The following LATS1 variants were observed in gnomAD, a reference collection of about 807,000 sequenced individuals.
LATS1 encodes the protein serine/threonine-protein kinase LATS1.
Under a neutral mutation model 106.6 loss-of-function variants are expected in LATS1, and 25 were observed. The observed-to-expected ratio is 0.23, with a 90% CI of 0.17 to 0.33. The LOEUF (loss-of-function observed/expected upper bound fraction) is 0.33. LATS1 is among the 10% of genes least tolerant of loss of function. The probability of loss-of-function intolerance (pLI) is 1.00; values close to 1 mark genes in which losing one functional copy is unlikely to be tolerated. For synonymous variants in LATS1, 465 were observed against 455.6 expected (o/e 1.02, Z -0.26); for missense variants, 1,040 against 1,382.6 (o/e 0.75, Z 3.93).
intron 3 of LATS1, among the ~76,000 whole-genome samples, chr6:149,690,296 C>T (rs1782668041): frequency 6.8e-6 from 1 of 147,622 alleles, no homozygotes; most frequent in Non-Finnish European, 1.5e-5. Flanking sequence ...TCACCGCAAT[C>T]TCTGCCTCCC....
chr6:149,689,477 T>C (rs1029052441), intron 3 of LATS1, among the ~76,000 whole-genome samples: 2 of 152,194 alleles, frequency 1.3e-5, no homozygotes, highest in Admixed American at 6.5e-5. Flanking sequence ...TGTACTTGTT[T>C]AGTGAAACTC....
intron 5 of LATS1, among the ~76,000 whole-genome samples, chr6:149,678,971 G>T (rs1342935069): frequency 6.6e-6 from 1 of 152,090 alleles, no homozygotes; most frequent in Admixed American, 6.5e-5. Flanking sequence ...AATGTTACAA[G>T]CAATAACATG....
chr6:149,712,857 T>C (rs1359189568), intron 1 of LATS1, among the ~76,000 whole-genome samples: 1 of 152,030 alleles, frequency 6.6e-6, no homozygotes. Flanking sequence ...CAGCCAATTA[T>C]GTTGGTGTGC....
Position 149,660,069 on chromosome 6 carries a change from T to C in LATS1, c.*1660A>G, listed in dbSNP as rs1037094254. On this transcript the variant is annotated 3_prime_UTR_variant, in exon 8 of 8. Transcript: ENST00000543571. Reference sequence around the variant, plus strand: ...TTAGTTTAATGTATCAATTTTCTCATGGCACAGAGGTCCATAACCTACAGC... The same window carrying C: ...TTAGTTTAATGTATCAATTTTCTCACGGCACAGAGGTCCATAACCTACAGC... 4.3e-6 allele frequency: 1 copy of C among 232,446 alleles called. No individual in the cohort carries two copies. The highest frequency in any genetic ancestry group is 2.2e-5 in the African/African-American group (1 of 45,320). The allele number at this position is 232,446 out of a possible 1,614,324, so 14.4% of individuals were successfully genotyped here.
In LATS1 at chr6:149,706,349, C is replaced by T. The variant is rs116447389; in HGVS notation, c.-140-4083G>A. Among the ~76,000 whole-genome samples the T allele has an allele frequency of 1.6e-3, 247 of 151,560 alleles. 1 individual carries two copies. Among genetic ancestry groups the T allele is most frequent in the African/African-American group, 5.6e-3 (231 of 41,352 alleles). ...TGGCAAAACCCCGTCTCCACAAATA[C>T]TGCAAAAAATGAGCTGAGTGTGGCA... On this transcript the variant is annotated intron_variant, in intron 1 of 7. Coordinates refer to ENST00000543571, the MANE Select transcript of LATS1 (RefSeq NM_004690.4).
At chr6:149,711,637 C>T (rs1227402799) in intron 1 of LATS1, among the ~76,000 whole-genome samples, 3 of 152,068 alleles carry the variant, frequency 2.0e-5, no homozygotes, top group African/African-American at 4.8e-5. Context: ...CCTTGGGTCC[C>T]CGACTTCTAT....
At chr6:149,679,550 A>C (rs1311140518) in intron 5 of LATS1, among the ~76,000 whole-genome samples, 5 of 117,936 alleles carry the variant, frequency 4.2e-5, no homozygotes, top group East Asian at 2.0e-4. Context: ...AGACTCCATC[A>C]AAAAAAAAAA....
At chr6:149,672,670 G>A (rs1242600494) in intron 7 of LATS1, among the ~76,000 whole-genome samples, 1 of 151,904 alleles carries the variant, frequency 6.6e-6, no homozygotes, top group East Asian at 1.9e-4. Context: ...TTTTGGCCGG[G>A]CGCAGTGGCT....
chr6:149,670,314 C>T (rs1781381658), intron 7 of LATS1, among the ~76,000 whole-genome samples: 1 of 151,198 alleles, frequency 6.6e-6, no homozygotes, highest in East Asian at 1.9e-4. Flanking sequence ...GGAGACATCA[C>T]AGAAAATAGC....
At chr6:149,670,187 A>G (rs1285290882) in intron 7 of LATS1, among the ~76,000 whole-genome samples, 1 of 145,556 alleles carries the variant, frequency 6.9e-6, no homozygotes, top group African/African-American at 2.6e-5. Context: ...AAAAAAAAAA[A>G]AAAAAAGAAA....
intron 5 of LATS1, 33 bp from the exon 6 acceptor site, chr6:149,676,770 A>G (rs1295588509): frequency 6.4e-7 from 1 of 1,567,792 alleles, no homozygotes; most frequent in Non-Finnish European, 8.7e-7. Context: ...AATAAAGTCA[A>G]CAATGACAAC....
chr6:149,694,976 CT>C, intron 3 of LATS1, 97 bp downstream of exon 3: 1 of 1,034,074 alleles, frequency 9.7e-7, no homozygotes, highest in Non-Finnish European at 1.4e-6. Context: ...TACTGGGATG[CT>C]TTTACAATTT....
At chr6:149,672,179 A>AC (rs1280638440) in intron 7 of LATS1, among the ~76,000 whole-genome samples, 1 of 149,726 alleles carries the variant, frequency 6.7e-6, no homozygotes, top group Non-Finnish European at 1.5e-5. Context: ...GGCGTGAGCC[A>AC]CCATACCTGG....
At chr6:149,666,555 C>T (rs1335914879) in intron 7 of LATS1, among the ~76,000 whole-genome samples, 4 of 150,964 alleles carry the variant, frequency 2.6e-5, no homozygotes, top group African/African-American at 9.8e-5. Flanking sequence ...GAGGCGGTGG[C>T]GGAGGCTGCA....
intron 2 of LATS1, among the ~76,000 whole-genome samples, chr6:149,699,564 CAAT>C (rs1368673366): frequency 2.0e-5 from 3 of 151,780 alleles, no homozygotes; most frequent in Admixed American, 2.0e-4. Flanking sequence ...TTCAATAAAG[CAAT>C]CTTGTGACAA....
intron 2 of LATS1, among the ~76,000 whole-genome samples, chr6:149,699,453 A>C (rs1783311324): frequency 1.3e-5 from 2 of 152,132 alleles, no homozygotes; most frequent in South Asian, 4.1e-4. Context: ...TTGCATTTTG[A>C]CATTAAAGTT....
rs986563993 is a variant in LATS1 at position 149,660,208 on chromosome 6, G to A, written c.*1521C>T. The A allele has an allele frequency of 4.3e-6, 1 of 232,406 alleles. No individual in the cohort carries two copies. Among genetic ancestry groups the A allele is most frequent in the African/African-American group, 2.2e-5 (1 of 45,206 alleles). 14.4% of individuals were successfully genotyped at this position (232,406 alleles called of 1,614,324 possible). A position where few individuals can be genotyped will look rare whatever the true frequency, so the allele number is the denominator to read the frequency against. On this transcript the variant is annotated 3_prime_UTR_variant, in exon 8 of 8. Transcript: ENST00000543571. The stretch of plus-strand genomic sequence containing the variant: ...CACAGCTTCCTTCAGATTCTCAAAA[G>A]AACCACTAACCCCAAAAGACGCACG...
At chr6:149,715,046 TTTTA>T (rs529730209) in intron 1 of LATS1, among the ~76,000 whole-genome samples, 328 of 152,160 alleles carry the variant, frequency 2.2e-3, no homozygotes, top group African/African-American at 7.3e-3. Context: ...ATGTACTATT[TTTTA>T]TTTATTTATT....
chr6:149,695,142 T>A lies in LATS1; in HGVS notation c.428A>T (p.Tyr143Phe). 6.2e-7 allele frequency: 1 copy of A among 1,613,468 alleles called. No homozygotes were observed. Among genetic ancestry groups the A allele is most frequent in the Non-Finnish European group, 8.5e-7 (1 of 1,179,514 alleles). The change falls in exon 3 of 8, where the codon TAC (tyrosine) becomes TTC (phenylalanine). Residue 143 changes from tyrosine to phenylalanine, a missense_variant. Tyr to Phe is a conservative substitution (Grantham distance 22). Transcript: ENST00000543571. ...AAIEFISKMS[Y>F]QDPRREQMAA... is the part of the protein sequence containing the mutation. ...CATCTGCTCTCGTCGAGGATCTTGG[T>A]AACTCATTTTACTAATGAATTCAAT...
Sources: gnomAD v4.1 joint callset for allele counts (sites outside exome capture counted in the v4.1 genomes callset) on GRCh38, gnomAD v4.1.1 for gene constraint, MANE v1.5 for transcripts, NCBI Gene and HGNC (gene_info 2026-07-23, HGNC 2026-07-21) for gene names.